Variants in AMOTL1 observed in about 807,000 individuals in gnomAD.
The protein encoded by AMOTL1 is angiomotin like 1, also known as angiomotin-like protein 1.
A neutral mutation model predicts 102.9 loss-of-function variants in AMOTL1; 45 were observed. That is an observed-to-expected ratio of 0.44 (90% CI 0.34 to 0.56). The LOEUF is 0.56. AMOTL1 is among the 20% of genes least tolerant of loss of function. The pLI, the probability that AMOTL1 is intolerant of heterozygous loss-of-function variation, is 0.01. For synonymous variants in AMOTL1, 481 were observed against 484.7 expected, an observed-to-expected ratio of 0.99 and a Z score of 0.10; for missense variants, 1,114 against 1,225.6, an observed-to-expected ratio of 0.91 and a Z score of 1.36.
intron 4 of AMOTL1, among the ~76,000 whole-genome samples, chr11:94,824,386 A>G (rs961961803): frequency 7.9e-5 from 12 of 152,216 alleles, no homozygotes; most frequent in African/African-American, 2.4e-4. Context: ...GCAGTTTCCA[A>G]GAACCTGTCA....
At chr11:94,743,520 A>G (rs534797790) in intron 3 of AMOTL1, among the ~76,000 whole-genome samples, 3 of 152,126 alleles carry the variant, frequency 2.0e-5, no homozygotes, top group Non-Finnish European at 2.9e-5. Flanking sequence ...AATGCCTTTT[A>G]CAGCAGTTGA....
intron 3 of AMOTL1, among the ~76,000 whole-genome samples, chr11:94,758,094 A>C (rs1429204501): frequency 6.6e-6 from 1 of 152,226 alleles, no homozygotes; most frequent in African/African-American, 2.4e-5. Context: ...TTCTGCAAAA[A>C]CAGACTTGAA....
intron 3 of AMOTL1, among the ~76,000 whole-genome samples, chr11:94,809,945 G>A (rs879632403): frequency 6.6e-6 from 1 of 151,974 alleles, no homozygotes; most frequent in African/African-American, 2.4e-5. Flanking sequence ...AAACATATAC[G>A]TGACACAAAT....
chr11:94,730,641 G>A (rs1404210824), intron 2 of AMOTL1, among the ~76,000 whole-genome samples: 2 of 152,102 alleles, frequency 1.3e-5, no homozygotes. Flanking sequence ...AATTCATGGT[G>A]TATATTTGAT....
chr11:94,843,447 T>C lies in AMOTL1; in HGVS notation c.1649-6667T>C, dbSNP rs191764568. 2.6e-5 allele frequency among the ~76,000 whole-genome samples: 4 copies of C among 152,286 alleles called. No homozygotes were observed. In the East Asian group the frequency reaches 7.7e-4, roughly 29 times the overall value. The stretch of plus-strand genomic sequence containing the variant: ...TGAGGCAGAAGGAACCTAAATAGTT[T>C]TGTAGACAGTAAAGTAAATGAAATA... On this transcript the variant is annotated intron_variant, in intron 6 of 12. Coordinates refer to ENST00000433060, the MANE Select transcript of AMOTL1 (RefSeq NM_130847.3).
chr11:94,716,115 T>C (rs1417571190), intron 1 of AMOTL1, among the ~76,000 whole-genome samples: 1 of 152,166 alleles, frequency 6.6e-6, no homozygotes, highest in Non-Finnish European at 1.5e-5. Context: ...GATTCTGTCT[T>C]ATCATCATCA....
intron 10 of AMOTL1, among the ~76,000 whole-genome samples, chr11:94,865,275 G>C (rs992547663): frequency 1.3e-5 from 2 of 152,126 alleles, no homozygotes; most frequent in African/African-American, 4.8e-5. Context: ...TTTAGCTAAT[G>C]CACTCTTCTG....
In AMOTL1 at chr11:94,805,740, G is replaced by A. The variant is rs190974825; in HGVS notation, c.1121+5429G>A. ...TAATATTTTGTTCATCTATGAGTAC[G>A]TTAATTTGATTTTTTGGTATGTAGA... On this transcript the variant is annotated intron_variant, in intron 3 of 12. Transcript: ENST00000433060. Among the ~76,000 whole-genome samples, 18 of 152,280 alleles carry A rather than the reference G, an allele frequency of 1.2e-4. No individual in the cohort carries two copies. In the East Asian group the frequency reaches 2.1e-3, roughly 18 times the overall value.
intron 1 of AMOTL1, among the ~76,000 whole-genome samples, chr11:94,792,447 C>A (rs1278624643): frequency 6.6e-6 from 1 of 152,208 alleles, no homozygotes; most frequent in African/African-American, 2.4e-5. Flanking sequence ...TGCACATGTA[C>A]CCTAGAATTT....
chr11:94,728,532 T>C (rs989720187), intron 1 of AMOTL1, among the ~76,000 whole-genome samples: 7 of 152,224 alleles, frequency 4.6e-5, no homozygotes, highest in Non-Finnish European at 7.3e-5. Flanking sequence ...AAACTGCTTC[T>C]AACTTATTAG....
At chr11:94,731,502 G>A (rs1305887520) in intron 2 of AMOTL1, among the ~76,000 whole-genome samples, 2 of 152,332 alleles carry the variant, frequency 1.3e-5, no homozygotes, top group Admixed American at 6.5e-5. Context: ...GTTGAAGTAG[G>A]ATGAGGATAC....
At chr11:94,854,251 G>T (rs1952611947) in intron 8 of AMOTL1, among the ~76,000 whole-genome samples, 169 bp downstream of exon 8, 1 of 152,234 alleles carries the variant, frequency 6.6e-6, no homozygotes, top group South Asian at 2.1e-4. Context: ...AAGGCGAGCA[G>T]TCCGCTCACT....
At chr11:94,755,645 G>A (rs1950713992) in intron 3 of AMOTL1, among the ~76,000 whole-genome samples, 1 of 152,182 alleles carries the variant, frequency 6.6e-6, no homozygotes, top group Non-Finnish European at 1.5e-5. Context: ...CCCCGTCACA[G>A]GGCCTGCGAC....
At chr11:94,708,547 T>G (rs539413926) in intron 1 of AMOTL1, among the ~76,000 whole-genome samples, 2 of 152,262 alleles carry the variant, frequency 1.3e-5, no homozygotes, top group Non-Finnish European at 2.9e-5. Flanking sequence ...AATAGAAGAG[T>G]TAAATGAGAA....
chr11:94,847,359 G>T (rs1232177796), intron 6 of AMOTL1, among the ~76,000 whole-genome samples: 2 of 152,168 alleles, frequency 1.3e-5, no homozygotes, highest in Non-Finnish European at 2.9e-5. Context: ...ATACCTAATA[G>T]CTAACAGGAG....
chr11:94,731,364 G>A (rs1950348302), intron 2 of AMOTL1, among the ~76,000 whole-genome samples: 3 of 152,236 alleles, frequency 2.0e-5, no homozygotes, highest in South Asian at 2.1e-4. Context: ...AATCAGTGTG[G>A]CTGAAATCTG....
chr11:94,851,547 G>A (rs905084557), intron 7 of AMOTL1, among the ~76,000 whole-genome samples: 1 of 152,178 alleles, frequency 6.6e-6, no homozygotes, highest in Non-Finnish European at 1.5e-5. Flanking sequence ...GATACTGAGA[G>A]CCTACTGTAA....
At chr11:94,847,005 C>G (rs539223051) in intron 6 of AMOTL1, among the ~76,000 whole-genome samples, 1 of 152,324 alleles carries the variant, frequency 6.6e-6, no homozygotes, top group African/African-American at 2.4e-5. Flanking sequence ...AACACTACTT[C>G]CTATCAGTGG....
In AMOTL1 at chr11:94,772,827, A is replaced by G. The variant is rs148215340; in HGVS notation, c.49+4267A>G. The stretch of plus-strand genomic sequence containing the variant: ...GCTGCACCACTCCTATTAGCAATGT[A>G]TGAGAGATCCAGTTTCTCTGCAACC... On this transcript the variant is annotated intron_variant, in intron 1 of 12. Transcript: ENST00000433060. Among the ~76,000 whole-genome samples, 871 of 152,338 alleles carry G rather than the reference A, an allele frequency of 5.7e-3. 10 individuals carry two copies. The highest frequency in any genetic ancestry group is 0.02 in the African/African-American group (830 of 41,582).
Sources: allele counts gnomAD v4.1 joint callset (sites outside exome capture counted in the v4.1 genomes callset), GRCh38; gene constraint gnomAD v4.1.1; transcripts MANE v1.5; gene names NCBI Gene and HGNC (gene_info 2026-07-23, HGNC 2026-07-21).